CDH10: variants seen among roughly 807,000 people sequenced by gnomAD.
CDH10 encodes the protein cadherin-10.
CDH10 carries 30 observed loss-of-function variants against 73.1 expected under a neutral mutation model. The observed-to-expected ratio is 0.41, with a 90% CI of 0.31 to 0.56. The LOEUF (loss-of-function observed/expected upper bound fraction) is 0.56, where lower values mean the gene tolerates loss of function less well. Ranked by LOEUF, CDH10 falls within the 20% of genes least tolerant of loss-of-function variation. The pLI is 0.27. For synonymous variants in CDH10, 345 were observed against 348.2 expected, an observed-to-expected ratio of 0.99 and a Z score of 0.10; for missense variants, 815 against 973.7, an observed-to-expected ratio of 0.84 and a Z score of 2.17.
At chr5:24,584,312 T>C (rs1017939229) in intron 2 of CDH10, among the ~76,000 whole-genome samples, 2 of 152,008 alleles carry the variant, frequency 1.3e-5, no homozygotes, top group African/African-American at 4.8e-5. Flanking sequence ...TAAAAACTGG[T>C]GATTTAAATT....
chr5:24,610,611 GATTTA>G (rs1179672643), intron 1 of CDH10, among the ~76,000 whole-genome samples: 2 of 152,046 alleles, frequency 1.3e-5, no homozygotes, highest in Admixed American at 1.3e-4. Context: ...ATTATATATT[GATTTA>G]ATTTATTTCT....
chr5:24,628,354 G>A (rs1747579943), intron 1 of CDH10, among the ~76,000 whole-genome samples: 1 of 152,120 alleles, frequency 6.6e-6, no homozygotes, highest in African/African-American at 2.4e-5. Context: ...ACATTTTAAA[G>A]CTATCTTCAC....
chr5:24,587,265 G>A (rs1335628191), intron 2 of CDH10, among the ~76,000 whole-genome samples: 1 of 152,154 alleles, frequency 6.6e-6, no homozygotes, highest in African/African-American at 2.4e-5. Context: ...TGAAACAAGT[G>A]AGAATATGAA....
intron 2 of CDH10, among the ~76,000 whole-genome samples, chr5:24,573,681 A>G (rs1165588486): frequency 2.0e-5 from 3 of 146,610 alleles, no homozygotes; most frequent in African/African-American, 7.5e-5. Flanking sequence ...AGCCTGGGCG[A>G]CAGAGCGAGA....
intron 5 of CDH10, among the ~76,000 whole-genome samples, chr5:24,523,838 A>T (rs1455533293): frequency 6.6e-6 from 1 of 152,172 alleles, no homozygotes; most frequent in Non-Finnish European, 1.5e-5. Context: ...CGGGAAAGTG[A>T]TCATGCTCCA....
At chr5:24,624,716 A>C (rs1311615953) in intron 1 of CDH10, among the ~76,000 whole-genome samples, 1 of 152,156 alleles carries the variant, frequency 6.6e-6, no homozygotes, top group Non-Finnish European at 1.5e-5. Context: ...GTAGTAAGGC[A>C]TATGTTGAAG....
intron 1 of CDH10, among the ~76,000 whole-genome samples, chr5:24,616,917 C>A (rs80094020): frequency 2.6e-5 from 4 of 152,016 alleles, no homozygotes; most frequent in African/African-American, 9.7e-5. Context: ...GACATTTAAG[C>A]GAGAAGTAAT....
At chr5:24,550,464 A>G (rs1267557063) in intron 2 of CDH10, among the ~76,000 whole-genome samples, 1 of 152,150 alleles carries the variant, frequency 6.6e-6, no homozygotes, top group Non-Finnish European at 1.5e-5. Flanking sequence ...AAATACTAGG[A>G]TTCCATAAAT....
intron 8 of CDH10, among the ~76,000 whole-genome samples, chr5:24,503,695 G>A (rs1454061286): frequency 9.2e-5 from 14 of 152,144 alleles, no homozygotes. Context: ...AATCTCAGTT[G>A]TGCTACCTCT....
intron 1 of CDH10, among the ~76,000 whole-genome samples, chr5:24,598,342 T>C (rs1261297778): frequency 2.6e-5 from 4 of 152,042 alleles, no homozygotes; most frequent in African/African-American, 4.8e-5. Flanking sequence ...ATTGAATATT[T>C]ATCACTCTGT....
intron 1 of CDH10, among the ~76,000 whole-genome samples, chr5:24,604,080 G>A (rs1426198109): frequency 6.6e-6 from 1 of 152,186 alleles, no homozygotes; most frequent in Non-Finnish European, 1.5e-5. Context: ...TCTGGCATGT[G>A]GCTCACTCCT....
At chr5:24,612,945 T>C (rs1393686059) in intron 1 of CDH10, 2 of 152,178 alleles carry the variant, frequency 1.3e-5, no homozygotes, top group Non-Finnish European at 2.9e-5. Flanking sequence ...TTGTGCAGTA[T>C]GCTATTTGCA....
chr5:24,570,277 AATC>A (rs1745329540), intron 2 of CDH10, among the ~76,000 whole-genome samples: 1 of 152,202 alleles, frequency 6.6e-6, no homozygotes, highest in Non-Finnish European at 1.5e-5. Flanking sequence ...AGACAAAAAT[AATC>A]ATCTAGTTTG....
At chr5:24,502,170 C>T (rs1375599649) in intron 8 of CDH10, among the ~76,000 whole-genome samples, 2 of 152,164 alleles carry the variant, frequency 1.3e-5, no homozygotes, top group African/African-American at 2.4e-5. Context: ...GATCCGCCCG[C>T]CTTGGCCTCC....
At chr5:24,644,269 T>C (rs1014001174) in intron 1 of CDH10, among the ~76,000 whole-genome samples, 6 of 152,196 alleles carry the variant, frequency 3.9e-5, no homozygotes, top group Non-Finnish European at 5.9e-5. Flanking sequence ...AGTCTGGGCA[T>C]GACAAATTCA....
At chr5:24,586,797 T>A (rs1746019461) in intron 2 of CDH10, among the ~76,000 whole-genome samples, 1 of 150,442 alleles carries the variant, frequency 6.6e-6, no homozygotes, top group Non-Finnish European at 1.5e-5. Context: ...AGTTCAGTGA[T>A]TAATAACAAT....
At chr5:24,518,820 C>T (rs987660911) in intron 5 of CDH10, among the ~76,000 whole-genome samples, 3 of 150,072 alleles carry the variant, frequency 2.0e-5, no homozygotes, top group Admixed American at 2.0e-4. Context: ...AGAAGGATTA[C>T]AGTGAGATGG....
intron 5 of CDH10, among the ~76,000 whole-genome samples, chr5:24,520,260 G>C (rs1215597512): frequency 6.6e-6 from 1 of 152,082 alleles, no homozygotes; most frequent in East Asian, 1.9e-4. Flanking sequence ...ATAAATCATT[G>C]TATAATCACA....
At chr5:24,498,830 A>G (rs1280223191) in intron 8 of CDH10, among the ~76,000 whole-genome samples, 2 of 151,372 alleles carry the variant, frequency 1.3e-5, no homozygotes, top group East Asian at 3.8e-4. Flanking sequence ...AAGAACACTT[A>G]CTTATTAAAT....
Sources: gnomAD v4.1 joint callset for allele counts (sites outside exome capture counted in the v4.1 genomes callset) on GRCh38, gnomAD v4.1.1 for gene constraint, MANE v1.5 for transcripts, NCBI Gene and HGNC (gene_info 2026-07-23, HGNC 2026-07-21) for gene names.